LRRTM4: variants seen among roughly 807,000 people sequenced by gnomAD.
The protein encoded by LRRTM4 is leucine rich repeat transmembrane neuronal 4.
LRRTM4 carries 25 observed loss-of-function variants against 47.6 expected under a neutral mutation model. The ratio of observed to expected loss-of-function variants is 0.53; its 90% CI spans 0.38 to 0.73. The LOEUF (loss-of-function observed/expected upper bound fraction) is 0.73, where lower values mean the gene tolerates loss of function less well. LRRTM4 is among the 30% of genes least tolerant of loss of function. The probability of loss-of-function intolerance (pLI) is 0.00; values close to 1 mark genes in which losing one functional copy is unlikely to be tolerated. For missense variants in LRRTM4, 638 were observed against 713.4 expected, an observed-to-expected ratio of 0.89 and a Z score of 1.20; for synonymous variants, 311 against 269.5, an observed-to-expected ratio of 1.15 and a Z score of -1.51.
intron 3 of LRRTM4, among the ~76,000 whole-genome samples, chr2:77,067,714 C>T (rs376076391): frequency 6.6e-6 from 1 of 151,032 alleles, no homozygotes; most frequent in Non-Finnish European, 1.5e-5. Context: ...CACACACACA[C>T]ACATACATAT....
intron 3 of LRRTM4, among the ~76,000 whole-genome samples, chr2:76,762,768 T>C (rs1673303567): frequency 6.6e-6 from 1 of 152,170 alleles, no homozygotes; most frequent in Admixed American, 6.5e-5. Flanking sequence ...GAGACCAGCC[T>C]GGGCAACATG....
chr2:76,925,334 T>C (rs1397150101), intron 3 of LRRTM4, among the ~76,000 whole-genome samples: 2 of 152,114 alleles, frequency 1.3e-5, no homozygotes, highest in African/African-American at 4.8e-5. Context: ...CAAAGTCTGT[T>C]CTGGCAACAA....
chr2:77,449,272 G>C (rs1676166678), intron 3 of LRRTM4, among the ~76,000 whole-genome samples: 2 of 152,096 alleles, frequency 1.3e-5, no homozygotes. Flanking sequence ...CAGGTTCATT[G>C]GCATAAGCTT....
intron 3 of LRRTM4, among the ~76,000 whole-genome samples, chr2:77,242,390 A>G (rs1456232077): frequency 6.6e-6 from 1 of 152,178 alleles, no homozygotes; most frequent in East Asian, 1.9e-4. Flanking sequence ...CAACCATCCA[A>G]ATGGGAGGAC....
intron 3 of LRRTM4, among the ~76,000 whole-genome samples, chr2:76,887,288 A>G (rs1246276864): frequency 6.6e-6 from 1 of 151,708 alleles, no homozygotes; most frequent in Non-Finnish European, 1.5e-5. Flanking sequence ...TGAGAAAGTT[A>G]ACATATAAAG....
chr2:77,480,814 GTGT>G, intron 3 of LRRTM4, among the ~76,000 whole-genome samples: 1 of 130,930 alleles, frequency 7.6e-6, no homozygotes, highest in Non-Finnish European at 1.6e-5. Flanking sequence ...GTGTGTGTGT[GTGT>G]GTGTGGAGAG....
chr2:77,512,100 G>C (rs1679040382), intron 3 of LRRTM4, among the ~76,000 whole-genome samples: 1 of 152,078 alleles, frequency 6.6e-6, no homozygotes, highest in Non-Finnish European at 1.5e-5. Context: ...TGGGACTACA[G>C]GTGTACCATA....
intron 3 of LRRTM4, among the ~76,000 whole-genome samples, chr2:76,869,684 C>T (rs1455641645): frequency 6.6e-6 from 1 of 151,838 alleles, no homozygotes; most frequent in African/African-American, 2.4e-5. Context: ...AATCAAAATA[C>T]AATATAACTG....
At chr2:76,944,343 G>T (rs1364360373) in intron 3 of LRRTM4, among the ~76,000 whole-genome samples, 1 of 151,938 alleles carries the variant, frequency 6.6e-6, no homozygotes, top group African/African-American at 2.4e-5. Flanking sequence ...GGCTCTCATG[G>T]TACTGTACTT....
chr2:77,092,640 C>A (rs990190079), intron 3 of LRRTM4, among the ~76,000 whole-genome samples: 7 of 145,256 alleles, frequency 4.8e-5, no homozygotes, highest in Non-Finnish European at 2.9e-5. Flanking sequence ...AACTAAAATA[C>A]CTCTTAGTCT....
chr2:76,923,737 T>C (rs1248007326), intron 3 of LRRTM4, among the ~76,000 whole-genome samples: 1 of 152,152 alleles, frequency 6.6e-6, no homozygotes, highest in South Asian at 2.1e-4. Flanking sequence ...GATTTTGTTT[T>C]CTTTGATGCT....
At chr2:76,895,727 C>T (rs2103727164) in intron 3 of LRRTM4, among the ~76,000 whole-genome samples, 1 of 152,162 alleles carries the variant, frequency 6.6e-6, no homozygotes, top group African/African-American at 2.4e-5. Flanking sequence ...CAGTGATAAA[C>T]ATACTGTGAA....
chr2:77,135,551 G>T (rs72911858), intron 3 of LRRTM4, among the ~76,000 whole-genome samples: 8,921 of 152,174 alleles, frequency 0.059, 846 homozygotes, highest in African/African-American at 0.2. Context: ...GGATTTGATC[G>T]AGAAAGTAAA....
rs61212194 is a variant in LRRTM4 at position 77,318,000 on chromosome 2, C to CTT, written c.1551+200316_1551+200317dup. On this transcript the variant is annotated intron_variant, in intron 3 of 3. Coordinates refer to ENST00000409884, the MANE Select transcript of LRRTM4 (RefSeq NM_001134745.3). Reference sequence around the variant, plus strand: ...AACATTTTCCTTTAAATTCCTAACACTTTTTTTTTTTTTTTTTTTTTTTTT... The same window carrying CTT: ...AACATTTTCCTTTAAATTCCTAACACTTTTTTTTTTTTTTTTTTTTTTTTTTT... Among the ~76,000 whole-genome samples, 771 of 99,732 alleles carry CTT rather than the reference C, an allele frequency of 7.7e-3. 30 individuals are homozygous for CTT. Among genetic ancestry groups the CTT allele is most frequent in the African/African-American group, 0.014 (324 of 23,038 alleles). The allele number at this position is 99,732 out of a possible 152,430, so 65.4% of individuals were successfully genotyped here.
chr2:77,462,732 G>A (rs372548126), intron 3 of LRRTM4, among the ~76,000 whole-genome samples: 9 of 152,056 alleles, frequency 5.9e-5, no homozygotes, highest in African/African-American at 2.2e-4. Flanking sequence ...CGGAAACAAA[G>A]TAGGTCTTGC....
At chr2:76,873,541 A>ATATAT (rs1558705838) in intron 3 of LRRTM4, among the ~76,000 whole-genome samples, 2 of 100,312 alleles carry the variant, frequency 2.0e-5, no homozygotes, top group African/African-American at 6.6e-5. Context: ...TATACAACAT[A>ATATAT]GTTGTAAAAT....
chr2:77,510,573 T>C (rs1208477666), intron 3 of LRRTM4, among the ~76,000 whole-genome samples: 1 of 152,118 alleles, frequency 6.6e-6, no homozygotes, highest in African/African-American at 2.4e-5. Flanking sequence ...TTTTTCTATA[T>C]TATTTGCTAC....
At chr2:77,365,160 T>C (rs1157884427) in intron 3 of LRRTM4, among the ~76,000 whole-genome samples, 7 of 152,082 alleles carry the variant, frequency 4.6e-5, no homozygotes, top group African/African-American at 7.2e-5. Flanking sequence ...ATATTCTGAC[T>C]CTTACACATA....
intron 3 of LRRTM4, among the ~76,000 whole-genome samples, chr2:77,416,104 T>C (rs994948190): frequency 7.9e-5 from 12 of 152,258 alleles, no homozygotes; most frequent in African/African-American, 2.9e-4. Context: ...CTCTTTTTCT[T>C]TAAAATAAAA....
Sources: gnomAD v4.1 joint callset for allele counts (sites outside exome capture counted in the v4.1 genomes callset) on GRCh38, gnomAD v4.1.1 for gene constraint, MANE v1.5 for transcripts, NCBI Gene and HGNC (gene_info 2026-07-23, HGNC 2026-07-21) for gene names.